ALDH3A1: variants seen among roughly 807,000 people sequenced by gnomAD.
ALDH3A1 encodes the protein aldehyde dehydrogenase, dimeric NADP-preferring.
Under a neutral mutation model 49.9 loss-of-function variants are expected in ALDH3A1, and 46 were observed. That is an observed-to-expected ratio of 0.92 (90% CI 0.73 to 1.18). ALDH3A1 has a LOEUF of 1.18. Among genes scored for constraint, ALDH3A1 ranks in the 50% most tolerant of loss-of-function variants. The probability of loss-of-function intolerance (pLI) is 0.00; values close to 1 mark genes in which losing one functional copy is unlikely to be tolerated. For synonymous variants in ALDH3A1, 269 were observed against 253.3 expected (o/e 1.06, Z -0.59); for missense variants, 592 against 611.8 (o/e 0.97, Z 0.34).
At chr17:19,744,899 C>CCGGG in intron 2 of ALDH3A1, 69 bp downstream of exon 2, 1 of 806,894 alleles carries the variant, frequency 1.2e-6, no homozygotes, top group Non-Finnish European at 1.6e-6. Context: ...GCACTCTCCC[C>CCGGG]AGCCCCTCCC....
At chr17:19,741,401 G>A (rs962854848) in intron 5 of ALDH3A1, 191 bp from the exon 6 acceptor site, 25 of 532,422 alleles carry the variant, frequency 4.7e-5, no homozygotes, top group East Asian at 2.8e-4. Context: ...CATGTTCACC[G>A]GCGACTGGTG....
chr17:19,745,460 G>A, intron 1 of ALDH3A1: 1 of 301,118 alleles, frequency 3.3e-6, no homozygotes. Context: ...CAAAGCTGAT[G>A]GCACAATCCC....
At position 19,744,901 on chromosome 17, in the gene ALDH3A1, G is replaced by GCCCCC. The variant is rs370178415; in HGVS notation, c.162+66_162+67insGGGGG. Reference sequence around the variant, plus strand: ...ACCTCTCTGGGTCGCACTCTCCCCAGCCCCTCCCCCCACGCCCCATCGCAT... The same window carrying GCCCCC: ...ACCTCTCTGGGTCGCACTCTCCCCAGCCCCCCCCCTCCCCCCACGCCCCATCGCAT... On this transcript the variant is annotated intron_variant, in intron 2 of 10. Coordinates refer to ENST00000225740, the MANE Select transcript of ALDH3A1 (RefSeq NM_000691.5). 4.6e-4 allele frequency: 202 copies of GCCCCC among 437,660 alleles called. 8 individuals carry two copies. In the East Asian group the frequency reaches 0.012, roughly 27 times the overall value. 27.1% of individuals were successfully genotyped at this position (437,660 alleles called of 1,614,324 possible). A position where few individuals can be genotyped will look rare whatever the true frequency, so the allele number is the denominator to read the frequency against.
intron 1 of ALDH3A1, 97 bp from the exon 2 acceptor site, chr17:19,745,231 G>T: frequency 7.6e-7 from 1 of 1,319,366 alleles, no homozygotes; most frequent in Non-Finnish European, 1.0e-6. Flanking sequence ...CCCTGGGCTC[G>T]GCCTTGGGGA....
At chr17:19,744,182 A>T in intron 2 of ALDH3A1, 10 of 923,098 alleles carry the variant, frequency 1.1e-5, no homozygotes, top group Non-Finnish European at 1.3e-5. Context: ...CTCCTGAGGA[A>T]CTCCTGAGGG....
intron 3 of ALDH3A1, chr17:19,742,950 G>A (rs1408874684): frequency 1.3e-6 from 2 of 1,525,990 alleles, no homozygotes; most frequent in South Asian, 2.4e-5. Context: ...ATTCTAGGAA[G>A]GAAGCCCTGA....
rs1597669063 is a variant in ALDH3A1, at chr17:19,742,010, G to A, written c.683C>T (p.Ala228Val). ...GCAGGCCCGTGCCTCTCACCGGCAG[G>A]CCACGTCCAGGTCACAGTTCTTGTC... is the stretch of plus-strand genomic sequence containing the variant. Reference protein sequence around the residue: ...YVDKNCDLDVACRRIAWGKFM... With the variant: ...YVDKNCDLDVVCRRIAWGKFM... Residue 228 changes from alanine to valine, a missense_variant, in exon 5 of 11, where the codon GCC becomes GTC. Coordinates refer to ENST00000225740, the MANE Select transcript of ALDH3A1 (RefSeq NM_000691.5). 6.2e-7 allele frequency: 1 copy of A among 1,613,722 alleles called. No homozygotes were observed. The highest frequency in any genetic ancestry group is 1.7e-5 in the Admixed American group (1 of 60,012).
In ALDH3A1 at chr17:19,742,634, C is replaced by G; in HGVS notation, c.395-4G>C. Reference sequence around the variant, plus strand: ...GGCTTGAGGACCACTGAGTTCCCTGCAGAGCACACCGAGCCAGGCCTATGC... The same window carrying G: ...GGCTTGAGGACCACTGAGTTCCCTGGAGAGCACACCGAGCCAGGCCTATGC... On this transcript the variant is annotated splice_region_variant and splice_polypyrimidine_tract_variant and intron_variant, in intron 3 of 10. Transcript: ENST00000225740. 1 of 1,613,926 alleles carries G rather than the reference C, an allele frequency of 6.2e-7. No individual in the cohort carries two copies. The highest frequency in any genetic ancestry group is 8.5e-7 in the Non-Finnish European group (1 of 1,180,006).
In ALDH3A1 at chr17:19,739,804, G is replaced by A. The variant is rs1208785760; in HGVS notation, c.950-130C>T. 44 of 1,181,104 alleles carry A rather than the reference G, an allele frequency of 3.7e-5. 2 individuals are homozygous for A. In the South Asian group the frequency reaches 6.1e-4, roughly 16 times the overall value. The allele number at this position is 1,181,104 out of a possible 1,614,324, so 73.2% of individuals were successfully genotyped here. A position where few individuals can be genotyped will look rare whatever the true frequency, so the allele number is the denominator to read the frequency against. ...CCCAGGCTTGGAAAAGGGCAGGGAC[G>A]AGGCCTCAGAGAGGTACCCTAGGCA... On this transcript the variant is annotated intron_variant, in intron 7 of 10. Transcript: ENST00000225740.
chr17:19,747,546 C>A (rs959974802), intron 1 of ALDH3A1, among the ~76,000 whole-genome samples: 1 of 152,244 alleles, frequency 6.6e-6, no homozygotes, highest in Non-Finnish European at 1.5e-5. Context: ...GAACTGTGGT[C>A]TCTGGGCTGG....
rs748200146 is a variant in ALDH3A1 at position 19,745,155 on chromosome 17, C to A, written c.-5-21G>T. Reference sequence around the variant, plus strand: ...GGCGCCTGGGGACAGAGAGCACCTGCAGCTGGCTGAGGGGCACGAGCGCGC... The same window carrying A: ...GGCGCCTGGGGACAGAGAGCACCTGAAGCTGGCTGAGGGGCACGAGCGCGC... On this transcript the variant is annotated intron_variant, in intron 1 of 10. Transcript: ENST00000225740. The A allele has an allele frequency of 2.6e-6, 4 of 1,549,176 alleles. No individual in the cohort carries two copies. In the African/African-American group the frequency reaches 5.6e-5, roughly 22 times the overall value.
intron 1 of ALDH3A1, among the ~76,000 whole-genome samples, chr17:19,746,641 G>A (rs1475700082): frequency 7.2e-6 from 1 of 139,422 alleles, no homozygotes; most frequent in Non-Finnish European, 1.5e-5. Flanking sequence ...GTGTGTGCGT[G>A]TGCGTGTGTG....
At chr17:19,738,257 G>A (rs2086422052) in intron 10 of ALDH3A1, 22 bp from the exon 11 acceptor site, 1 of 1,613,954 alleles carries the variant, frequency 6.2e-7, no homozygotes, top group Admixed American at 1.7e-5. Context: ...ACACGGAGTG[G>A]GCAGTGATCC....
chr17:19,739,158 C>T (rs1274189623), intron 8 of ALDH3A1, 63 bp from the exon 9 acceptor site: 8 of 1,463,394 alleles, frequency 5.5e-6, no homozygotes, highest in Admixed American at 1.9e-5. Context: ...GCCCCCAACC[C>T]GACCCTGCCT....
At position 19,743,540 on chromosome 17, in the gene ALDH3A1, TC is replaced by T. The variant is rs2086542761; in HGVS notation, c.163-78del. 2 of 1,514,750 alleles carry T rather than the reference TC, an allele frequency of 1.3e-6. No homozygotes were observed. The highest frequency in any genetic ancestry group is 2.2e-5 in the Admixed American group (1 of 46,202). 93.8% of individuals were successfully genotyped at this position (1,514,750 alleles called of 1,614,324 possible). On this transcript the variant is annotated intron_variant, in intron 2 of 10. Transcript: ENST00000225740. This position sits in a 1 kb window ranked among gnomAD's most constrained non-coding sequence, Gnocchi z 4.4. ...TGGGGCGAGTGGGGAGCCCCACTGC[TC>T]AGCTGCCAGGGTGATGGGGGTCACT...
chr17:19,743,913 A>T lies in ALDH3A1; in HGVS notation c.163-450T>A, dbSNP rs1002187740. 38 of 985,028 alleles carry T rather than the reference A, an allele frequency of 3.9e-5. No homozygotes were observed. The highest frequency in any genetic ancestry group is 4.6e-5 in the Non-Finnish European group (38 of 829,834). 61.0% of individuals were successfully genotyped at this position (985,028 alleles called of 1,614,324 possible). ...TTAGTTGTCTGGAGGGGGATGCAGGACCAAGGGCTGCTGGGCGCTCAGGGC... is the reference window on the plus strand; with the variant it reads ...TTAGTTGTCTGGAGGGGGATGCAGGTCCAAGGGCTGCTGGGCGCTCAGGGC... On this transcript the variant is annotated intron_variant, in intron 2 of 10. Transcript: ENST00000225740. This position sits in a 1 kb window ranked among gnomAD's most constrained non-coding sequence, Gnocchi z 4.4.
intron 7 of ALDH3A1, 173 bp downstream of exon 7, chr17:19,740,163 G>A (rs966439473): frequency 1.8e-5 from 13 of 734,038 alleles, no homozygotes; most frequent in African/African-American, 1.2e-4. Flanking sequence ...TTGAAGCAGG[G>A]GCTGTCCTCA....
rs200532620 is a variant in ALDH3A1 at position 19,738,306 on chromosome 17, C to G, written c.1347+17G>C. On this transcript the variant is annotated intron_variant, in intron 10 of 10. Transcript: ENST00000225740. Reference sequence around the variant, plus strand: ...CCGCACAGCCCGGTCTCCCCCACAGCGCCTTCCCCCTCTCACCTTGGCCGG... The same window carrying G: ...CCGCACAGCCCGGTCTCCCCCACAGGGCCTTCCCCCTCTCACCTTGGCCGG... The G allele has an allele frequency of 9.3e-6, 15 of 1,613,544 alleles. No individual in the cohort carries two copies. Among genetic ancestry groups the G allele is most frequent in the Non-Finnish European group, 1.3e-5 (15 of 1,179,520 alleles).
intron 6 of ALDH3A1, among the ~76,000 whole-genome samples, 178 bp from the exon 7 acceptor site, chr17:19,740,655 T>C (rs1254382389): frequency 2.0e-5 from 3 of 152,134 alleles, no homozygotes; most frequent in Non-Finnish European, 2.9e-5. Flanking sequence ...GCATTATCTT[T>C]TTTTTTTCTC....
Sources: gnomAD v4.1 joint callset for allele counts (sites outside exome capture counted in the v4.1 genomes callset) on GRCh38, gnomAD v4.1.1 for gene constraint, Gnocchi (gnomAD v3.1) non-coding constraint, MANE v1.5 for transcripts, NCBI Gene and HGNC (gene_info 2026-07-23, HGNC 2026-07-21) for gene names.